Variants in IFNGR2 observed in about 807,000 individuals in gnomAD.
The protein encoded by IFNGR2 is interferon gamma receptor 2.
IFNGR2 carries 15 observed loss-of-function variants against 41.1 expected under a neutral mutation model. That is an observed-to-expected ratio of 0.37 (90% CI 0.24 to 0.56). IFNGR2 has a LOEUF of 0.56. Ranked by LOEUF, IFNGR2 falls within the 20% of genes least tolerant of loss-of-function variation. The pLI, the probability that IFNGR2 is intolerant of heterozygous loss-of-function variation, is 0.81. For missense variants in IFNGR2, 362 were observed against 415.7 expected (o/e 0.87, Z 1.12); for synonymous variants, 161 against 171.6 (o/e 0.94, Z 0.48).
chr21:33,417,312 A>G (rs891472280), intron 2 of IFNGR2, among the ~76,000 whole-genome samples: 2 of 151,638 alleles, frequency 1.3e-5, no homozygotes, highest in Non-Finnish European at 2.9e-5. Context: ...CTGGCCTCGA[A>G]CTCCTGGGCT....
chr21:33,436,824 C>G lies in IFNGR2; in HGVS notation c.880-4C>G. 1 of 1,613,928 alleles carries G rather than the reference C, an allele frequency of 6.2e-7. No homozygotes were observed. Among genetic ancestry groups the G allele is most frequent in the Non-Finnish European group, 8.5e-7 (1 of 1,179,802 alleles). On this transcript the variant is annotated splice_polypyrimidine_tract_variant and splice_region_variant and intron_variant, in intron 6 of 6. Transcript: ENST00000290219. ...TTACAATTTTGCTTTCCAACCTCCT[C>G]AAGTATTTAAAAGACCCAACTCAGC...
chr21:33,416,519 C>T (rs2083754398), intron 2 of IFNGR2, among the ~76,000 whole-genome samples: 1 of 151,986 alleles, frequency 6.6e-6, no homozygotes, highest in East Asian at 1.9e-4. Context: ...GTGGCTCACA[C>T]CTGTAAAAGA....
chr21:33,413,286 C>T (rs1280222536), intron 1 of IFNGR2, among the ~76,000 whole-genome samples: 1 of 152,104 alleles, frequency 6.6e-6, no homozygotes, highest in East Asian at 1.9e-4. Flanking sequence ...TGCCTTCGGC[C>T]CAGGATGTCA....
intron 6 of IFNGR2, 135 bp downstream of exon 6, chr21:33,433,006 C>T: frequency 2.7e-6 from 2 of 750,534 alleles, no homozygotes; most frequent in East Asian, 2.7e-5. Flanking sequence ...CTGCCTCAGC[C>T]TCCTGAGTAG....
At chr21:33,403,702 G>C in intron 1 of IFNGR2, 86 bp downstream of exon 1, 1 of 939,738 alleles carries the variant, frequency 1.1e-6, no homozygotes, top group Non-Finnish European at 1.4e-6. Context: ...GTGGGGTGGG[G>C]GGAATCTGCC....
In IFNGR2 at chr21:33,419,167, G is replaced by A. The variant is rs554827139; in HGVS notation, c.207-2313G>A. On this transcript the variant is annotated intron_variant, in intron 2 of 6. Coordinates refer to ENST00000290219, the MANE Select transcript of IFNGR2 (RefSeq NM_005534.4). ...GTTGCCCAGGCTGGACTGCAGTGGC[G>A]TGATCTCAGCTCACTGAAACCTCCG... is the stretch of plus-strand genomic sequence containing the variant. 6.6e-5 allele frequency among the ~76,000 whole-genome samples: 10 copies of A among 152,188 alleles called. 1 individual carries two copies. Among genetic ancestry groups the A allele is most frequent in the African/African-American group, 2.4e-4 (10 of 41,528 alleles).
chr21:33,404,155 A>C (rs1285824976), intron 1 of IFNGR2, among the ~76,000 whole-genome samples: 1 of 152,244 alleles, frequency 6.6e-6, no homozygotes, highest in East Asian at 1.9e-4. Context: ...GCCTGGCGAG[A>C]CTGCGCTTAG....
At chr21:33,430,788 T>A (rs911178513) in intron 4 of IFNGR2, among the ~76,000 whole-genome samples, 5 of 152,224 alleles carry the variant, frequency 3.3e-5, no homozygotes, top group African/African-American at 9.6e-5. Context: ...ACATGTTCTG[T>A]ATTTGAATAA....
At chr21:33,436,782 C>T (rs747875445) in intron 6 of IFNGR2, 46 bp from the exon 7 acceptor site, 1 of 1,555,710 alleles carries the variant, frequency 6.4e-7, no homozygotes, top group Non-Finnish European at 8.9e-7. Flanking sequence ...GTCTGGTATA[C>T]TGAACTGGTA....
Position 33,437,296 on chromosome 21 carries a change from G to C in IFNGR2, c.*334G>C. On this transcript the variant is annotated 3_prime_UTR_variant, in exon 7 of 7. Transcript: ENST00000290219. ...CTTTTTTCATTATTGGTTGGGCTGA[G>C]CAGTCAGAAGACCTGGTCGTCGTCT... 2 of 289,216 alleles carry C rather than the reference G, an allele frequency of 6.9e-6. No homozygotes were observed. Among genetic ancestry groups the C allele is most frequent in the South Asian group, 7.1e-5 (2 of 28,104 alleles). 17.9% of individuals were successfully genotyped at this position (289,216 alleles called of 1,614,324 possible). A position where few individuals can be genotyped will look rare whatever the true frequency, so the allele number is the denominator to read the frequency against.
chr21:33,420,310 T>G (rs1416450689), intron 2 of IFNGR2, among the ~76,000 whole-genome samples: 2 of 152,154 alleles, frequency 1.3e-5, no homozygotes, highest in African/African-American at 4.8e-5. Flanking sequence ...TGTAGGGGGA[T>G]ACTGTCCGCT....
intron 1 of IFNGR2, among the ~76,000 whole-genome samples, chr21:33,412,591 T>A (rs2083725033): frequency 6.6e-6 from 1 of 152,246 alleles, no homozygotes; most frequent in South Asian, 2.1e-4. Flanking sequence ...AGTGCCGCTC[T>A]GTCGCCCAGG....
chr21:33,435,631 TCCCAG>T (rs1423416167), intron 6 of IFNGR2, among the ~76,000 whole-genome samples: 97 of 152,220 alleles, frequency 6.4e-4, no homozygotes, highest in Admixed American at 1.3e-3. Context: ...ATGCCTGTAA[TCCCAG>T]CACTTTGAGA....
intron 5 of IFNGR2, 27 bp downstream of exon 5, chr21:33,432,363 C>A (rs1283382686): frequency 1.2e-6 from 2 of 1,603,450 alleles, no homozygotes; most frequent in African/African-American, 2.7e-5. Flanking sequence ...TATGTCCTTT[C>A]TGAACTGGGA....
intron 5 of IFNGR2, 79 bp from the exon 6 acceptor site, chr21:33,432,635 C>CA: frequency 1.3e-6 from 2 of 1,484,528 alleles, no homozygotes; most frequent in South Asian, 2.3e-5. Flanking sequence ...GCTCTTTAAG[C>CA]AGCATGGATG....
intron 2 of IFNGR2, among the ~76,000 whole-genome samples, chr21:33,417,307 C>G (rs1262576082): frequency 6.6e-6 from 1 of 152,054 alleles, no homozygotes; most frequent in Non-Finnish European, 1.5e-5. Context: ...CCAGGCTGGC[C>G]TCGAACTCCT....
At chr21:33,418,046 A>G (rs571148604) in intron 2 of IFNGR2, among the ~76,000 whole-genome samples, 88 of 152,202 alleles carry the variant, frequency 5.8e-4, no homozygotes, top group Middle Eastern at 3.4e-3. Flanking sequence ...ATTTTGAGAC[A>G]GAGTCTCGCT....
Position 33,421,511 on chromosome 21 carries a change from A to G in IFNGR2, c.238A>G (p.Met80Val), listed in dbSNP as rs2083791864. 1 of 1,614,042 alleles carries G rather than the reference A, an allele frequency of 6.2e-7. No individual in the cohort carries two copies. The highest frequency in any genetic ancestry group is 8.5e-7 in the Non-Finnish European group (1 of 1,179,976). ...CAGTAAATGGTTCACGGCCGACATC[A>G]TGTCCATAGGGGTGAATTGTACACA... is the stretch of plus-strand genomic sequence containing the variant. ...TDSKWFTADIMSIGVNCTQIT... is the reference protein window; with the variant it reads ...TDSKWFTADIVSIGVNCTQIT... The change falls in exon 3 of 7, where the codon ATG becomes GTG. Residue 80 changes from methionine to valine, a missense_variant. By Grantham distance (21) the Met-to-Val change is conservative. Transcript: ENST00000290219.
At chr21:33,421,349 A>AC in intron 2 of IFNGR2, 131 bp from the exon 3 acceptor site, 1 of 675,122 alleles carries the variant, frequency 1.5e-6, no homozygotes. Context: ...AAAAAAAAAA[A>AC]AGCGGGGGGG....
Sources: gnomAD v4.1 joint callset for allele counts (sites outside exome capture counted in the v4.1 genomes callset) on GRCh38, gnomAD v4.1.1 for gene constraint, MANE v1.5 for transcripts, NCBI Gene and HGNC (gene_info 2026-07-23, HGNC 2026-07-21) for gene names.